RBL1: variants seen among roughly 807,000 people sequenced by gnomAD.
The protein encoded by RBL1 is retinoblastoma-like protein 1.
In RBL1, 82 loss-of-function variants were observed where a neutral mutation model predicts 123.0. That is an observed-to-expected ratio of 0.67 (90% CI 0.56 to 0.80). The LOEUF (loss-of-function observed/expected upper bound fraction) is 0.80. RBL1 is among the 30% of genes least tolerant of loss of function. The pLI, the probability that RBL1 is intolerant of heterozygous loss-of-function variation, is 0.00. For synonymous variants in RBL1, 405 were observed against 441.3 expected (o/e 0.92, Z 1.03); for missense variants, 1,171 against 1,299.6 (o/e 0.90, Z 1.52).
At chr20:37,082,603 C>T (rs542487987) in intron 2 of RBL1, among the ~76,000 whole-genome samples, 16 of 152,122 alleles carry the variant, frequency 1.1e-4, no homozygotes, top group East Asian at 9.6e-4. Context: ...TGGTTGTGTC[C>T]GTATTGAACA....
intron 16 of RBL1, among the ~76,000 whole-genome samples, chr20:37,026,428 G>T (rs1336341715): frequency 6.6e-6 from 1 of 152,004 alleles, no homozygotes. Context: ...AATTATTGCC[G>T]GGCGCAGTGG....
At chr20:37,082,316 T>A (rs1354524341) in intron 2 of RBL1, among the ~76,000 whole-genome samples, 1 of 152,194 alleles carries the variant, frequency 6.6e-6, no homozygotes, top group Non-Finnish European at 1.5e-5. Context: ...AACAGCTGAG[T>A]TACCATTTAA....
At chr20:37,043,153 T>C (rs6030963) in intron 13 of RBL1, among the ~76,000 whole-genome samples, 1,584 of 111,762 alleles carry the variant, frequency 0.014, 24 homozygotes, top group African/African-American at 0.058. Context: ...TACACACACA[T>C]GCGCGCGTGC....
intron 20 of RBL1, among the ~76,000 whole-genome samples, chr20:37,006,625 G>C (rs996388005): frequency 1.3e-4 from 19 of 151,074 alleles, no homozygotes; most frequent in African/African-American, 4.6e-4. Flanking sequence ...CGGATCACAA[G>C]GTCAGGAGTT....
At chr20:37,020,782 C>G (rs2064329796) in intron 17 of RBL1, 52 bp from the exon 18 acceptor site, 2 of 1,265,372 alleles carry the variant, frequency 1.6e-6, no homozygotes, top group African/African-American at 1.5e-5. Context: ...AGAAAAATGG[C>G]TCTGAACAAA....
At position 37,016,650 on chromosome 20, in the gene RBL1, G is replaced by C. The variant is rs573034990; in HGVS notation, c.2722+1629C>G. ...TGCATAATTAGAAGCAACCTGGCCA[G>C]GCATGGTGGCTTACACCTGTCATCC... is the stretch of plus-strand genomic sequence containing the variant. On this transcript the variant is annotated intron_variant, in intron 19 of 21. Coordinates refer to ENST00000373664, the MANE Select transcript of RBL1 (RefSeq NM_002895.5). 5.3e-5 allele frequency among the ~76,000 whole-genome samples: 8 copies of C among 152,256 alleles called. No homozygotes were observed. In the East Asian group the frequency reaches 1.2e-3, roughly 22 times the overall value.
chr20:37,037,932 G>A (rs1200684871), intron 14 of RBL1, among the ~76,000 whole-genome samples: 3 of 150,430 alleles, frequency 2.0e-5, no homozygotes, highest in African/African-American at 7.3e-5. Context: ...TGATCTGCCC[G>A]CCTCGGCCTC....
At chr20:37,000,578 C>T (rs1358148961) in intron 21 of RBL1, among the ~76,000 whole-genome samples, 5 of 142,010 alleles carry the variant, frequency 3.5e-5, no homozygotes, top group East Asian at 2.3e-4. Context: ...CCAGCCGCCC[C>T]GTCCAGGAAG....
At chr20:37,092,248 C>CT (rs2065659828) in intron 1 of RBL1, among the ~76,000 whole-genome samples, 1 of 152,030 alleles carries the variant, frequency 6.6e-6, no homozygotes, top group African/African-American at 2.4e-5. Flanking sequence ...TGGATACAGG[C>CT]TACTAAATGA....
intron 19 of RBL1, among the ~76,000 whole-genome samples, chr20:37,015,017 C>T (rs1277934017): frequency 2.7e-5 from 4 of 146,544 alleles, no homozygotes; most frequent in Admixed American, 6.9e-5. Flanking sequence ...GAGCCGAGAT[C>T]GCACCATTGC....
intron 2 of RBL1, chr20:37,082,011 CAT>C (rs2065459681): frequency 2.2e-6 from 1 of 456,104 alleles, no homozygotes; most frequent in African/African-American, 2.0e-5. Context: ...GGCCAGGAGA[CAT>C]AGGGCAGCAG....
intron 12 of RBL1, among the ~76,000 whole-genome samples, chr20:37,045,947 G>A (rs1240010854): frequency 6.6e-6 from 1 of 152,148 alleles, no homozygotes; most frequent in Non-Finnish European, 1.5e-5. Context: ...CGTAACAGTA[G>A]CATTAGTCTT....
At chr20:37,090,605 A>G (rs2065632606) in intron 1 of RBL1, among the ~76,000 whole-genome samples, 1 of 152,212 alleles carries the variant, frequency 6.6e-6, no homozygotes, top group South Asian at 2.1e-4. Context: ...ACCCCAAAAC[A>G]TGTCATCTTT....
intron 13 of RBL1, among the ~76,000 whole-genome samples, chr20:37,043,649 G>GC (rs2064770310): frequency 6.6e-6 from 1 of 152,026 alleles, no homozygotes; most frequent in African/African-American, 2.4e-5. Flanking sequence ...ACCAGCCCGG[G>GC]CAAGAGTGAA....
chr20:37,011,404 C>T (rs1174264286), intron 19 of RBL1, among the ~76,000 whole-genome samples: 1 of 150,110 alleles, frequency 6.7e-6, no homozygotes, highest in Admixed American at 6.7e-5. Context: ...ATGACCAATG[C>T]TTTGCTCATT....
chr20:37,016,635 G>A (rs901288973), intron 19 of RBL1, among the ~76,000 whole-genome samples: 3 of 152,038 alleles, frequency 2.0e-5, no homozygotes, highest in African/African-American at 7.2e-5. Context: ...TGCATAATTA[G>A]AAGCAACCTG....
At chr20:37,042,897 C>CAA (rs2064752778) in intron 13 of RBL1, among the ~76,000 whole-genome samples, 1 of 109,154 alleles carries the variant, frequency 9.2e-6, no homozygotes, top group Non-Finnish European at 2.0e-5. Flanking sequence ...AGATCTTGTC[C>CAA]CCCCCCCTCC....
chr20:37,082,431 A>T (rs2065467711), intron 2 of RBL1, among the ~76,000 whole-genome samples: 1 of 152,020 alleles, frequency 6.6e-6, no homozygotes, highest in South Asian at 2.1e-4. Flanking sequence ...CAACTTTATG[A>T]ATTTTATGTT....
chr20:37,084,924 C>A (rs1418485544), intron 2 of RBL1, among the ~76,000 whole-genome samples: 1 of 151,840 alleles, frequency 6.6e-6, no homozygotes, highest in Non-Finnish European at 1.5e-5. Flanking sequence ...CCCCACCATG[C>A]CCGACTAATT....
Sources: allele counts gnomAD v4.1 joint callset (sites outside exome capture counted in the v4.1 genomes callset), GRCh38; gene constraint gnomAD v4.1.1; transcripts MANE v1.5; gene names NCBI Gene and HGNC (gene_info 2026-07-23, HGNC 2026-07-21).